Variants in HHLA1 observed in about 807,000 individuals in gnomAD.
HHLA1 encodes the protein HHLA1 neighbor of OC90.
Under a neutral mutation model 69.9 loss-of-function variants are expected in HHLA1, and 72 were observed. The ratio of observed to expected loss-of-function variants is 1.03; its 90% CI spans 0.85 to 1.25. The LOEUF (loss-of-function observed/expected upper bound fraction) is 1.25, where lower values mean the gene tolerates loss of function less well. Among genes scored for constraint, HHLA1 ranks in the 50% most tolerant of loss-of-function variants. The pLI is 0.00. For synonymous variants in HHLA1, 252 were observed against 233.2 expected (o/e 1.08, Z -0.73); for missense variants, 685 against 642.2 (o/e 1.07, Z -0.72).
intron 10 of HHLA1, chr8:132,080,200 T>A: frequency 1.5e-6 from 1 of 646,808 alleles, no homozygotes; most frequent in South Asian, 1.5e-5. Flanking sequence ...GGAAGAGGAA[T>A]TAGTCTCCTC....
intron 8 of HHLA1, 27 bp from the exon 9 acceptor site, chr8:132,087,928 G>T (rs375546234): frequency 6.8e-5 from 104 of 1,520,708 alleles, no homozygotes; most frequent in Non-Finnish European, 8.9e-5. Flanking sequence ...TATACAATAA[G>T]ACTTAGCCAT....
chr8:132,082,111 CG>C (rs1446161350), intron 10 of HHLA1, among the ~76,000 whole-genome samples: 1 of 152,082 alleles, frequency 6.6e-6, no homozygotes, highest in Admixed American at 6.5e-5. Flanking sequence ...TGTGGGAGGC[CG>C]GACTGAAGTC....
rs188833923 is a variant in HHLA1, at chr8:132,099,167, A to T, written c.200-205T>A. On this transcript the variant is annotated intron_variant, in intron 4 of 16. Coordinates refer to ENST00000414222, the MANE Select transcript of HHLA1 (RefSeq NM_001145095.3). ...ACAGTCAACAAAGTGACAAATATAGATAAGAGAAATTCCAATGAAGCACAG... is the reference window on the plus strand; with the variant it reads ...ACAGTCAACAAAGTGACAAATATAGTTAAGAGAAATTCCAATGAAGCACAG... Among the ~76,000 whole-genome samples, 12 of 152,298 alleles carry T rather than the reference A, an allele frequency of 7.9e-5. No individual in the cohort carries two copies. The East Asian group carries it at 1.5e-3, about 20-fold the overall frequency.
In HHLA1 at chr8:132,064,054, A is replaced by C. The variant is rs1036251879; in HGVS notation, c.1553-16T>G. On this transcript the variant is annotated splice_polypyrimidine_tract_variant and intron_variant, in intron 16 of 16. Transcript: ENST00000414222. Reference sequence around the variant, plus strand: ...TGCTTTAAGGCTGAAAAAAAAGCAGAAGAAGAAGGAACTCAAGGTACTGAG... The same window carrying C: ...TGCTTTAAGGCTGAAAAAAAAGCAGCAGAAGAAGGAACTCAAGGTACTGAG... 1 of 1,301,286 alleles carries C rather than the reference A, an allele frequency of 7.7e-7. No homozygotes were observed. Among genetic ancestry groups the C allele is most frequent in the Non-Finnish European group, 1.0e-6 (1 of 986,062 alleles). The allele number at this position is 1,301,286 out of a possible 1,614,324, so 80.6% of individuals were successfully genotyped here. A position where few individuals can be genotyped will look rare whatever the true frequency, so the allele number is the denominator to read the frequency against.
intron 7 of HHLA1, among the ~76,000 whole-genome samples, chr8:132,093,850 C>T (rs922598012): frequency 2.0e-5 from 3 of 152,106 alleles, no homozygotes; most frequent in South Asian, 2.1e-4. Context: ...TTTTTTTCCT[C>T]ACAAATGTAT....
At chr8:132,101,715 A>C (rs1466921262) in intron 3 of HHLA1, among the ~76,000 whole-genome samples, 1 of 152,004 alleles carries the variant, frequency 6.6e-6, no homozygotes, top group Non-Finnish European at 1.5e-5. Flanking sequence ...CTGGGATTAC[A>C]GGTGTGCACC....
intron 10 of HHLA1, among the ~76,000 whole-genome samples, chr8:132,081,279 T>A (rs1258723585): frequency 6.6e-6 from 1 of 152,182 alleles, no homozygotes; most frequent in Non-Finnish European, 1.5e-5. Context: ...ACAGTCTAAG[T>A]TGGTCTGGTG....
At chr8:132,068,916 T>C (rs183287427) in intron 15 of HHLA1, among the ~76,000 whole-genome samples, 1 of 152,324 alleles carries the variant, frequency 6.6e-6, no homozygotes, top group African/African-American at 2.4e-5. Context: ...GAGTTTAGAT[T>C]ATCTCAGTTT....
At chr8:132,109,246 T>C in intron 1 of HHLA1, among the ~76,000 whole-genome samples, 1 of 152,064 alleles carries the variant, frequency 6.6e-6, no homozygotes, top group East Asian at 1.9e-4. Context: ...CAAAAAGCAT[T>C]TGTGGAGCTC....
chr8:132,085,917 A>G (rs1823852862), intron 10 of HHLA1, among the ~76,000 whole-genome samples: 1 of 151,968 alleles, frequency 6.6e-6, no homozygotes, highest in South Asian at 2.1e-4. Context: ...TTCTTTTGTG[A>G]TTCTTCAGTT....
chr8:132,072,930 G>A (rs1362755394), intron 14 of HHLA1, among the ~76,000 whole-genome samples: 1 of 151,428 alleles, frequency 6.6e-6, no homozygotes, highest in Non-Finnish European at 1.5e-5. Context: ...GTTTATTGCT[G>A]TGGAATATCA....
At chr8:132,083,325 C>G (rs1211645020) in intron 10 of HHLA1, among the ~76,000 whole-genome samples, 1 of 151,886 alleles carries the variant, frequency 6.6e-6, no homozygotes, top group Non-Finnish European at 1.5e-5. Flanking sequence ...CCGTCAATAC[C>G]CACAACAGTT....
At chr8:132,072,327 A>T (rs1030861104) in intron 14 of HHLA1, among the ~76,000 whole-genome samples, 2 of 152,202 alleles carry the variant, frequency 1.3e-5, no homozygotes, top group African/African-American at 4.8e-5. Flanking sequence ...ACCCATCCCT[A>T]TCATATAGAA....
chr8:132,086,587 C>A (rs1823867917), intron 10 of HHLA1, among the ~76,000 whole-genome samples: 2 of 152,152 alleles, frequency 1.3e-5, no homozygotes, highest in South Asian at 2.1e-4. Flanking sequence ...TGAAGGAGCA[C>A]AAAGTGGGAC....
intron 15 of HHLA1, among the ~76,000 whole-genome samples, chr8:132,066,483 T>G (rs963991047): frequency 6.6e-6 from 1 of 152,164 alleles, no homozygotes; most frequent in Non-Finnish European, 1.5e-5. Context: ...AACATTCTGT[T>G]CTTGGTCAGA....
chr8:132,102,792 A>AT lies in HHLA1; in HGVS notation c.139+1315dup, dbSNP rs3048490. On this transcript the variant is annotated intron_variant, in intron 3 of 16. Coordinates refer to ENST00000414222, the MANE Select transcript of HHLA1 (RefSeq NM_001145095.3). Reference sequence around the variant, plus strand: ...TGTGTCATCTTCTTCACTGAGCACCATTTTTTTTTTTTTTTTTTTTTTTTT... The same window carrying AT: ...TGTGTCATCTTCTTCACTGAGCACCATTTTTTTTTTTTTTTTTTTTTTTTTT... Among the ~76,000 whole-genome samples the AT allele has an allele frequency of 6.2e-3, 889 of 143,760 alleles. 7 individuals are homozygous for AT. Among genetic ancestry groups the AT allele is most frequent in the Non-Finnish European group, 9.9e-3 (654 of 66,350 alleles). 94.3% of individuals were successfully genotyped at this position (143,760 alleles called of 152,430 possible). A position where few individuals can be genotyped will look rare whatever the true frequency, so the allele number is the denominator to read the frequency against.
At chr8:132,065,140 C>T (rs773442573) in intron 16 of HHLA1, among the ~76,000 whole-genome samples, 3 of 152,120 alleles carry the variant, frequency 2.0e-5, no homozygotes, top group Non-Finnish European at 2.9e-5. Flanking sequence ...AAAGCTGATA[C>T]TGGAATATCT....
intron 1 of HHLA1, among the ~76,000 whole-genome samples, chr8:132,108,927 T>C (rs1045280778): frequency 6.6e-6 from 1 of 152,220 alleles, no homozygotes; most frequent in African/African-American, 2.4e-5. Context: ...TCTTGTCACT[T>C]CTCCACAAAT....
At chr8:132,104,457 G>T (rs1333093422) in intron 2 of HHLA1, among the ~76,000 whole-genome samples, 1 of 152,182 alleles carries the variant, frequency 6.6e-6, no homozygotes, top group Non-Finnish European at 1.5e-5. Flanking sequence ...TGAAGGGAAC[G>T]GTGAGGGTGT....
Sources: gnomAD v4.1 joint callset for allele counts (sites outside exome capture counted in the v4.1 genomes callset) on GRCh38, gnomAD v4.1.1 for gene constraint, MANE v1.5 for transcripts, NCBI Gene and HGNC (gene_info 2026-07-23, HGNC 2026-07-21) for gene names.